Variants in CST8 observed in about 807,000 individuals in gnomAD.
The protein encoded by CST8 is cystatin 8, also known as cystatin-8.
In CST8, 20 loss-of-function variants were observed where a neutral mutation model predicts 11.8. The observed-to-expected ratio is 1.70, with a 90% CI of 1.20 to 2.47. The LOEUF is 2.47. Ranked by LOEUF, CST8 falls within the 30% of genes most tolerant of loss-of-function variation. The probability of loss-of-function intolerance (pLI) is 0.00; values close to 1 mark genes in which losing one functional copy is unlikely to be tolerated. For synonymous variants in CST8, 77 were observed against 63.1 expected, an observed-to-expected ratio of 1.22 and a Z score of -1.05; for missense variants, 196 against 167.2, an observed-to-expected ratio of 1.17 and a Z score of -0.95.
chr20:23,501,778 A>AAGG, the CST8 span, among the ~76,000 whole-genome samples: 1 of 152,200 alleles, frequency 6.6e-6, no homozygotes, highest in African/African-American at 2.4e-5. Flanking sequence ...ATGATGCCTG[A>AAGG]AGACAATAAA....
At chr20:23,494,277 G>A (rs976684235) in intron 3 of CST8, among the ~76,000 whole-genome samples, 24 of 152,074 alleles carry the variant, frequency 1.6e-4, no homozygotes. Context: ...TTTGCTTTTG[G>A]CAGTTTGTAG....
downstream of CST8, among the ~76,000 whole-genome samples, chr20:23,499,444 C>T (rs1055728688): frequency 2.6e-5 from 4 of 152,182 alleles, no homozygotes; most frequent in Admixed American, 2.0e-4. Context: ...CACATGGACT[C>T]ACTCTACACC....
At chr20:23,501,701 G>C in the CST8 span, among the ~76,000 whole-genome samples, 4 of 152,226 alleles carry the variant, frequency 2.6e-5, no homozygotes, top group African/African-American at 9.6e-5. Flanking sequence ...CCAGGGAAGA[G>C]AGCAAGTGCT....
intron 3 of CST8, 56 bp from the exon 4 acceptor site, chr20:23,495,775 C>CTTTTTTT (rs11482296): frequency 2.5e-5 from 23 of 934,106 alleles, no homozygotes; most frequent in East Asian, 1.3e-4. Flanking sequence ...TTTTTCTTTT[C>CTTTTTTT]TTTTTTTTTT....
chr20:23,500,111 C>T (rs1988147938), downstream of CST8, among the ~76,000 whole-genome samples: 1 of 151,934 alleles, frequency 6.6e-6, no homozygotes, highest in Admixed American at 6.6e-5. Context: ...AACACTCAAT[C>T]TTACGGTGGG....
chr20:23,501,228 A>G, the CST8 span, among the ~76,000 whole-genome samples: 2 of 152,192 alleles, frequency 1.3e-5, no homozygotes, highest in Admixed American at 6.5e-5. Flanking sequence ...CGACTCCTCC[A>G]GTTCTCCTTC....
At chr20:23,492,913 A>G in intron 2 of CST8, 45 bp from the exon 3 acceptor site, 2 of 1,144,350 alleles carry the variant, frequency 1.7e-6, no homozygotes, top group South Asian at 2.5e-5. Flanking sequence ...AACTTTAAAA[A>G]AGTACAACTC....
At chr20:23,496,859 T>C (rs927596961), downstream of CST8, among the ~76,000 whole-genome samples, 3 of 152,156 alleles carry the variant, frequency 2.0e-5, no homozygotes, top group African/African-American at 7.2e-5. Context: ...AGAAGAGAAA[T>C]ATGTCTCTGT....
chr20:23,500,649 G>A (rs1289084751), downstream of CST8, among the ~76,000 whole-genome samples: 1 of 152,088 alleles, frequency 6.6e-6, no homozygotes, highest in East Asian at 1.9e-4. Context: ...GGGACAGACA[G>A]TCATCAAAAC....
At chr20:23,502,141 G>A in the CST8 span, among the ~76,000 whole-genome samples, 3 of 152,256 alleles carry the variant, frequency 2.0e-5, no homozygotes, top group South Asian at 2.1e-4. Flanking sequence ...CTTGACTTCC[G>A]TTGTGGATGA....
At chr20:23,494,483 C>G (rs1183603764) in intron 3 of CST8, among the ~76,000 whole-genome samples, 2 of 152,068 alleles carry the variant, frequency 1.3e-5, no homozygotes, top group African/African-American at 2.4e-5. Context: ...CATCTTGATC[C>G]AGTACTTTTT....
chr20:23,491,838 C>T lies in CST8; in HGVS notation c.171C>T (p.Asn57=), dbSNP rs755615354. The T allele has an allele frequency of 8.7e-6, 14 of 1,614,056 alleles. No individual in the cohort carries two copies. The highest frequency in any genetic ancestry group is 1.2e-5 in the Non-Finnish European group (14 of 1,180,044). The change falls in exon 2 of 4, where the codon AAC becomes AAT. Residue 57 remains asparagine, a synonymous_variant. Coordinates refer to ENST00000246012, the MANE Select transcript of CST8 (RefSeq NM_005492.4). ...TGTGGTTTGCCATGCAAGAATACAACAAAGAGAGCGAGGACAAGTATGTCT... is the reference window on the plus strand; with the variant it reads ...TGTGGTTTGCCATGCAAGAATACAATAAAGAGAGCGAGGACAAGTATGTCT... ...QCLWFAMQEY[N]KESEDKYVFL... is the part of the protein sequence containing the mutation.
chr20:23,494,080 C>T (rs1253029734), intron 3 of CST8, among the ~76,000 whole-genome samples: 1 of 152,154 alleles, frequency 6.6e-6, no homozygotes, highest in Admixed American at 6.5e-5. Context: ...CCTCTGTATG[C>T]TCAAATGAAA....
intron 1 of CST8, 90 bp from the exon 2 acceptor site, chr20:23,491,435 A>G: frequency 1.8e-6 from 1 of 567,224 alleles, no homozygotes; most frequent in Non-Finnish European, 3.1e-6. Context: ...TGGTAGAGAG[A>G]CTCCTTAACT....
At chr20:23,501,556 C>T in the CST8 span, among the ~76,000 whole-genome samples, 16 of 152,170 alleles carry the variant, frequency 1.1e-4, no homozygotes, top group Non-Finnish European at 2.4e-4. Context: ...CAGAAAAATA[C>T]CCAATGGCTA....
At chr20:23,496,078 C>G, downstream of CST8, 1 of 599,226 alleles carries the variant, frequency 1.7e-6, no homozygotes, top group South Asian at 2.2e-5. Context: ...ATGGGCATGT[C>G]CAGGTCCTCT....
At chr20:23,494,060 A>G (rs1247747902) in intron 3 of CST8, among the ~76,000 whole-genome samples, 1 of 152,180 alleles carries the variant, frequency 6.6e-6, no homozygotes, top group East Asian at 1.9e-4. Flanking sequence ...ATTATGTTTG[A>G]TGAAAACTGC....
downstream of CST8, among the ~76,000 whole-genome samples, chr20:23,500,114 A>G (rs146131052): frequency 3.9e-5 from 6 of 152,026 alleles, no homozygotes; most frequent in East Asian, 1.9e-4. Flanking sequence ...ACTCAATCTT[A>G]CGGTGGGAAA....
chr20:23,491,744 A>C lies in CST8; in HGVS notation c.77A>C (p.Lys26Thr), dbSNP rs939098823. 2.5e-6 allele frequency: 4 copies of C among 1,614,018 alleles called. No homozygotes were observed. Among genetic ancestry groups the C allele is most frequent in the South Asian group, 1.1e-5 (1 of 91,090 alleles). Reference protein sequence around the residue: ...LALVARKDPKKNETGVLRKLK... With the variant: ...LALVARKDPKTNETGVLRKLK... ...CTGGTGGCCAGGAAAGACCCAAAAAAGAATGAGACAGGGGTGCTGAGGAAA... is the reference window on the plus strand; with the variant it reads ...CTGGTGGCCAGGAAAGACCCAAAAACGAATGAGACAGGGGTGCTGAGGAAA... The change falls in exon 2 of 4, where the codon AAG becomes ACG. Residue 26 changes from lysine to threonine, a missense_variant. Coordinates refer to ENST00000246012, the MANE Select transcript of CST8 (RefSeq NM_005492.4).
Sources: gnomAD v4.1 joint callset for allele counts (sites outside exome capture counted in the v4.1 genomes callset) on GRCh38, gnomAD v4.1.1 for gene constraint, MANE v1.5 for transcripts, NCBI Gene and HGNC (gene_info 2026-07-23, HGNC 2026-07-21) for gene names.